The following CLEC5A variants were observed in gnomAD, a reference collection of about 807,000 sequenced individuals.
CLEC5A encodes the protein C-type lectin domain containing 5A.
Under a neutral mutation model 24.4 loss-of-function variants are expected in CLEC5A, and 15 were observed. That is an observed-to-expected ratio of 0.62 (90% confidence interval 0.41 to 0.95). The LOEUF is 0.95. CLEC5A is among the 40% of genes least tolerant of loss of function. CLEC5A has a pLI of 0.00. For synonymous variants in CLEC5A, 71 were observed against 72.6 expected, an observed-to-expected ratio of 0.98 and a Z score of 0.11; for missense variants, 211 against 224.0, an observed-to-expected ratio of 0.94 and a Z score of 0.37.
chr7:141,937,180 C>T (rs1802656991), intron 4 of CLEC5A, among the ~76,000 whole-genome samples: 1 of 151,788 alleles, frequency 6.6e-6, no homozygotes, highest in African/African-American at 2.4e-5. Context: ...TGTCTTGCAC[C>T]TTATGTAACA....
intron 4 of CLEC5A, among the ~76,000 whole-genome samples, chr7:141,943,229 G>A (rs1223255852): frequency 6.6e-6 from 1 of 152,086 alleles, no homozygotes; most frequent in Admixed American, 6.6e-5. Flanking sequence ...ACACAATGGA[G>A]TACTGTTCAA....
At chr7:141,941,892 A>G (rs1461815049) in intron 4 of CLEC5A, among the ~76,000 whole-genome samples, 1 of 152,116 alleles carries the variant, frequency 6.6e-6, no homozygotes, top group African/African-American at 2.4e-5. Context: ...GATCTATACA[A>G]TGAAAACTAT....
rs782538508 is a variant in CLEC5A at position 141,943,898 on chromosome 7, G to T, written c.206C>A (p.Thr69Lys). 10 of 1,602,724 alleles carry T rather than the reference G, an allele frequency of 6.2e-6. No individual in the cohort carries two copies. The East Asian group carries it at 1.3e-4, about 21-fold the overall frequency. The stretch of plus-strand genomic sequence containing the variant: ...TAGGTTGTAATCATGCACTTTACCT[G>T]TTCCATAGCTCCTTGTGGTAATGAA... ...NGFITTRSYG[T>K]VCPKDWEFYQ... The change falls in exon 4 of 7, where the codon ACA becomes AAA. Residue 69 changes from threonine to lysine, a missense_variant and splice_region_variant. Physicochemically the swap from Thr to Lys is moderately conservative, Grantham distance 78. Transcript: ENST00000546910.
chr7:141,946,165 T>G, intron 2 of CLEC5A, 49 bp downstream of exon 2: 1 of 1,533,976 alleles, frequency 6.5e-7, no homozygotes, highest in Non-Finnish European at 8.8e-7. Context: ...GAAGAGTCAA[T>G]GAGCAAGACA....
At chr7:141,943,076 T>C (rs1169494212) in intron 4 of CLEC5A, among the ~76,000 whole-genome samples, 2 of 152,144 alleles carry the variant, frequency 1.3e-5, no homozygotes, top group African/African-American at 2.4e-5. Context: ...CTCTTAAGTA[T>C]AGGCCCAAAA....
intron 6 of CLEC5A, among the ~76,000 whole-genome samples, chr7:141,930,546 C>T (rs1802429413): frequency 6.6e-6 from 1 of 152,214 alleles, no homozygotes. Context: ...TGGGCTGTCT[C>T]TTCTTCCAAA....
At chr7:141,931,091 G>A (rs560872485) in intron 6 of CLEC5A, among the ~76,000 whole-genome samples, 3 of 152,132 alleles carry the variant, frequency 2.0e-5, no homozygotes, top group East Asian at 1.9e-4. Flanking sequence ...AGCTCTTGGG[G>A]GTCAGAAGTT....
At chr7:141,942,624 C>T (rs1052979787) in intron 4 of CLEC5A, among the ~76,000 whole-genome samples, 2 of 151,886 alleles carry the variant, frequency 1.3e-5, no homozygotes, top group Non-Finnish European at 2.9e-5. Context: ...AAACAATCAA[C>T]AAAGTGAAGA....
chr7:141,931,594 A>G (rs1397881621), intron 6 of CLEC5A, 126 bp downstream of exon 6: 10 of 616,608 alleles, frequency 1.6e-5, no homozygotes, highest in Non-Finnish European at 2.7e-5. Flanking sequence ...GGGTTGGAAG[A>G]AAGGAGAAGA....
chr7:141,935,586 A>C (rs577971058), intron 5 of CLEC5A, among the ~76,000 whole-genome samples: 1 of 152,314 alleles, frequency 6.6e-6, no homozygotes, highest in African/African-American at 2.4e-5. Flanking sequence ...AAAAGACCAC[A>C]AGGTGCGAAT....
intron 5 of CLEC5A, among the ~76,000 whole-genome samples, chr7:141,935,462 G>A (rs569434760): frequency 5.3e-5 from 8 of 152,208 alleles, no homozygotes; most frequent in African/African-American, 1.7e-4. Flanking sequence ...CATCTATAAG[G>A]TATTCTTTTT....
chr7:141,942,605 C>T (rs1296359102), intron 4 of CLEC5A, among the ~76,000 whole-genome samples: 1 of 151,794 alleles, frequency 6.6e-6, no homozygotes, highest in African/African-American at 2.4e-5. Context: ...AGCTTCTGCC[C>T]AGCAAAGGAA....
At position 141,928,535 on chromosome 7, in the gene CLEC5A, T is replaced by G. The variant is rs1802363213; in HGVS notation, c.*1569A>C. The stretch of plus-strand genomic sequence containing the variant: ...GAGAACTTGTATCTCCACCGGCTAC[T>G]AATATAATTCCAATTTCCACCCCAT... On this transcript the variant is annotated 3_prime_UTR_variant, in exon 7 of 7. Coordinates refer to ENST00000546910, the MANE Select transcript of CLEC5A (RefSeq NM_013252.3). 6.6e-6 allele frequency: 1 copy of G among 152,146 alleles called. No homozygotes were observed. The highest frequency in any genetic ancestry group is 2.1e-4 in the South Asian group (1 of 4,820). The allele number at this position is 152,146 out of a possible 1,614,324, so 9.4% of individuals were successfully genotyped here.
intron 5 of CLEC5A, among the ~76,000 whole-genome samples, chr7:141,933,575 C>CATATATATATATATATATATAT (rs3043785): frequency 3.5e-5 from 4 of 115,236 alleles, no homozygotes; most frequent in African/African-American, 1.7e-4. Flanking sequence ...AGGGAGCAGG[C>CATATATATATATATATATATAT]ATATATATAT....
rs564419138 is a variant in CLEC5A, at chr7:141,943,771, G to A, written c.208+125C>T. The A allele has an allele frequency of 5.7e-6, 4 of 696,090 alleles. No homozygotes were observed. In the African/African-American group the frequency reaches 7.2e-5, roughly 12 times the overall value. The allele number at this position is 696,090 out of a possible 1,614,324, so 43.1% of individuals were successfully genotyped here. The stretch of plus-strand genomic sequence containing the variant: ...TAATATGTACAAAGAGAATGAACTG[G>A]AAGGTCGTTATGGTCCCTTTGAGCA... On this transcript the variant is annotated intron_variant, in intron 4 of 6. Coordinates refer to ENST00000546910, the MANE Select transcript of CLEC5A (RefSeq NM_013252.3).
intron 1 of CLEC5A, 128 bp from the exon 2 acceptor site, chr7:141,946,440 A>T (rs1486369890): frequency 2.7e-6 from 2 of 751,498 alleles, no homozygotes; most frequent in African/African-American, 3.5e-5. Context: ...TGACATTGAC[A>T]GGTACCAGGA....
In CLEC5A at chr7:141,935,828, TG is replaced by T; in HGVS notation, c.330del (p.Asn110LysfsTer6). 6.2e-7 allele frequency: 1 copy of T among 1,614,092 alleles called. No homozygotes were observed. Among genetic ancestry groups the T allele is most frequent in the Non-Finnish European group, 8.5e-7 (1 of 1,179,948 alleles). On this transcript the variant is annotated frameshift_variant, in exon 5 of 7. Transcript: ENST00000546910. LOFTEE classifies it high-confidence loss of function. ...AGTGTTCTCACCAGTTTCTCTGGCG[TG>T]TTGACAATTGCCAATGTGGATCCTT... is the stretch of plus-strand genomic sequence containing the variant. ...KGKGSTLAIV[N>X]TPEKLKFLQD...
rs1167125949 is a variant in CLEC5A, at chr7:141,927,874, T to C, written c.*2230A>G. 3 of 152,244 alleles carry C rather than the reference T, an allele frequency of 2.0e-5. No homozygotes were observed. The highest frequency in any genetic ancestry group is 4.4e-5 in the Non-Finnish European group (3 of 68,046). 9.4% of individuals were successfully genotyped at this position (152,244 alleles called of 1,614,324 possible). A position where few individuals can be genotyped will look rare whatever the true frequency, so the allele number is the denominator to read the frequency against. On this transcript the variant is annotated 3_prime_UTR_variant, in exon 7 of 7. Coordinates refer to ENST00000546910, the MANE Select transcript of CLEC5A (RefSeq NM_013252.3). ...ACAAAATGCTTCTCCTAATGTCTAA[T>C]GCCATTGAGATACATAGAGGAATGT... is the stretch of plus-strand genomic sequence containing the variant.
At chr7:141,942,534 A>G (rs987159102) in intron 4 of CLEC5A, among the ~76,000 whole-genome samples, 1 of 152,170 alleles carries the variant, frequency 6.6e-6, no homozygotes, top group African/African-American at 2.4e-5. Flanking sequence ...CTTGAGTAAT[A>G]TCCCACAAGC....
Sources: allele counts gnomAD v4.1 joint callset (sites outside exome capture counted in the v4.1 genomes callset), GRCh38; gene constraint gnomAD v4.1.1; transcripts MANE v1.5; gene names NCBI Gene and HGNC (gene_info 2026-07-23, HGNC 2026-07-21).